The following CHD9 variants were observed in gnomAD, a reference collection of about 807,000 sequenced individuals.
CHD9 encodes the protein ATP-dependent chromatin remodeler CHD9.
Under a neutral mutation model 316.1 loss-of-function variants are expected in CHD9, and 77 were observed. The ratio of observed to expected loss-of-function variants is 0.24; its 90% CI spans 0.20 to 0.29. CHD9 has a LOEUF of 0.29. CHD9 is among the 10% of genes least tolerant of loss of function. CHD9 has a pLI of 1.00. For missense variants in CHD9, 2,763 were observed against 3,438.1 expected, an observed-to-expected ratio of 0.80 and a Z score of 4.91; for synonymous variants, 1,129 against 1,158.3, an observed-to-expected ratio of 0.97 and a Z score of 0.51.
At chr16:53,247,978 T>TG (rs1481083594) in intron 16 of CHD9, 1 of 153,218 alleles carries the variant, frequency 6.5e-6, no homozygotes, top group Non-Finnish European at 1.5e-5. Flanking sequence ...TGTTTCAATG[T>TG]GGGTTTTTTG....
chr16:53,255,462 G>GA (rs1268891248), intron 18 of CHD9, 138 bp from the exon 19 acceptor site: 3 of 641,860 alleles, frequency 4.7e-6, no homozygotes, highest in Non-Finnish European at 8.1e-6. Context: ...TTATTTCTGT[G>GA]AATTCTCTCT....
At chr16:53,078,376 C>G (rs2034731126) in intron 1 of CHD9, among the ~76,000 whole-genome samples, 1 of 152,138 alleles carries the variant, frequency 6.6e-6, no homozygotes, top group Non-Finnish European at 1.5e-5. Flanking sequence ...AAGTTCGGCC[C>G]TGTTTCCCTT....
At chr16:53,258,505 G>A (rs1205090886) in intron 19 of CHD9, among the ~76,000 whole-genome samples, 3 of 152,004 alleles carry the variant, frequency 2.0e-5, no homozygotes, top group Admixed American at 1.3e-4. Context: ...ATTAGATACT[G>A]GACATTTGCC....
chr16:53,228,982 G>C lies in CHD9; in HGVS notation c.2169-1G>C, dbSNP rs1352985553. ...ATATATTATTTTTATAAAAATTTTA[G>C]CTCCTATCTTCACTGTGAGTGGGCC... On this transcript the variant is annotated splice_acceptor_variant, in intron 7 of 38. Transcript: ENST00000447540. LOFTEE classifies it high-confidence loss of function. The C allele has an allele frequency of 7.0e-7, 1 of 1,434,100 alleles. No homozygotes were observed. The highest frequency in any genetic ancestry group is 9.4e-7 in the Non-Finnish European group (1 of 1,064,360). 88.8% of individuals were successfully genotyped at this position (1,434,100 alleles called of 1,614,324 possible).
intron 1 of CHD9, among the ~76,000 whole-genome samples, chr16:53,066,247 A>G (rs2033494762): frequency 6.6e-6 from 1 of 152,178 alleles, no homozygotes; most frequent in South Asian, 2.1e-4. Context: ...TACTACTGTT[A>G]TCACTCAGTT....
At chr16:53,072,074 G>T (rs1464107960) in intron 1 of CHD9, among the ~76,000 whole-genome samples, 1 of 152,120 alleles carries the variant, frequency 6.6e-6, no homozygotes, top group Non-Finnish European at 1.5e-5. Flanking sequence ...AGAATTCATA[G>T]GCGCCAGTGT....
chr16:53,226,347 T>G lies in CHD9; in HGVS notation c.1897-19T>G. The G allele has an allele frequency of 6.7e-7, 1 of 1,490,958 alleles. No homozygotes were observed. The highest frequency in any genetic ancestry group is 1.4e-5 in the African/African-American group (1 of 69,712). 92.4% of individuals were successfully genotyped at this position (1,490,958 alleles called of 1,614,324 possible). On this transcript the variant is annotated intron_variant, in intron 4 of 38. Coordinates refer to ENST00000447540, the MANE Select transcript of CHD9 (RefSeq NM_001308319.2). ...TTCAAAATAAATTATATAAATCTGATTCTTGTGGTTCATTACAGAAAAGAA... is the reference window on the plus strand; with the variant it reads ...TTCAAAATAAATTATATAAATCTGAGTCTTGTGGTTCATTACAGAAAAGAA...
chr16:53,193,493 G>T (rs758956306), intron 2 of CHD9, among the ~76,000 whole-genome samples: 1 of 152,042 alleles, frequency 6.6e-6, no homozygotes, highest in African/African-American at 2.4e-5. Context: ...AATAGATGTA[G>T]ATTGATATCT....
chr16:53,173,879 ACAT>A (rs1689119488), intron 2 of CHD9, among the ~76,000 whole-genome samples: 2 of 152,066 alleles, frequency 1.3e-5, no homozygotes. Flanking sequence ...AAGCTAACAA[ACAT>A]CATTAAGATC....
chr16:53,137,438 T>G (rs1248168827), intron 1 of CHD9, among the ~76,000 whole-genome samples: 1 of 152,206 alleles, frequency 6.6e-6, no homozygotes, highest in Non-Finnish European at 1.5e-5. Context: ...AAGTTTGTAT[T>G]TCTGGAAGTG....
chr16:53,308,933 T>A lies in CHD9; in HGVS notation c.7222+79T>A. The A allele has an allele frequency of 4.3e-6, 5 of 1,150,614 alleles. No individual in the cohort carries two copies. In the South Asian group the frequency reaches 7.9e-5, roughly 18 times the overall value. The allele number at this position is 1,150,614 out of a possible 1,614,324, so 71.3% of individuals were successfully genotyped here. On this transcript the variant is annotated intron_variant, in intron 34 of 38. Transcript: ENST00000447540. ...AATCTTCTTTTATAGATGCTTGTAA[T>A]AAAAATTTATTTTTCCTTTGTTGGA...
intron 2 of CHD9, among the ~76,000 whole-genome samples, chr16:53,186,328 G>A (rs924360915): frequency 3.9e-5 from 6 of 152,282 alleles, no homozygotes; most frequent in African/African-American, 1.4e-4. Flanking sequence ...TTGGATTTTG[G>A]ACTTGAATGG....
intron 2 of CHD9, among the ~76,000 whole-genome samples, chr16:53,200,731 T>A (rs1318194328): frequency 6.6e-6 from 1 of 152,104 alleles, no homozygotes; most frequent in Non-Finnish European, 1.5e-5. Context: ...CAAAATATCT[T>A]CCCATAAAAT....
chr16:53,285,249 T>A (rs1210525592), intron 24 of CHD9, among the ~76,000 whole-genome samples: 1 of 152,216 alleles, frequency 6.6e-6, no homozygotes, highest in Non-Finnish European at 1.5e-5. Flanking sequence ...TTGAACCAGA[T>A]GATTATTGCC....
At chr16:53,120,146 C>T (rs181513227) in intron 1 of CHD9, among the ~76,000 whole-genome samples, 282 of 152,156 alleles carry the variant, frequency 1.9e-3, no homozygotes, top group African/African-American at 6.3e-3. Context: ...GTAAGAGGAT[C>T]GCTTGAGCCC....
intron 1 of CHD9, among the ~76,000 whole-genome samples, chr16:53,104,772 A>G (rs981874213): frequency 1.3e-5 from 2 of 150,978 alleles, no homozygotes; most frequent in Non-Finnish European, 2.9e-5. Flanking sequence ...AGATCGTGCC[A>G]CTGCACTCCA....
intron 2 of CHD9, among the ~76,000 whole-genome samples, chr16:53,161,462 T>A (rs1415769980): frequency 6.6e-6 from 1 of 152,284 alleles, no homozygotes; most frequent in East Asian, 1.9e-4. Context: ...TGGAAAGAAA[T>A]TTTTTTCTGG....
At chr16:53,238,694 A>G (rs1372783291) in intron 12 of CHD9, 108 bp downstream of exon 12, 8 of 1,106,032 alleles carry the variant, frequency 7.2e-6, no homozygotes, top group Admixed American at 4.5e-5. Flanking sequence ...TTGCCTACCT[A>G]GATCTTAGTT....
chr16:53,103,189 T>TG (rs1317297397), intron 1 of CHD9, among the ~76,000 whole-genome samples: 1 of 116,080 alleles, frequency 8.6e-6, no homozygotes, highest in African/African-American at 3.9e-5. Flanking sequence ...AGATTTTATT[T>TG]GTTTTTTTTT....
Sources: gnomAD v4.1 joint callset for allele counts (sites outside exome capture counted in the v4.1 genomes callset) on GRCh38, gnomAD v4.1.1 for gene constraint, MANE v1.5 for transcripts, NCBI Gene and HGNC (gene_info 2026-07-23, HGNC 2026-07-21) for gene names.